LGSN: variants seen among roughly 807,000 people sequenced by gnomAD.
The protein encoded by LGSN is lengsin, lens protein with glutamine synthetase domain.
Under a neutral mutation model 19.5 loss-of-function variants are expected in LGSN, and 21 were observed. That is an observed-to-expected ratio of 1.07 (90% CI 0.76 to 1.55). The LOEUF (loss-of-function observed/expected upper bound fraction) is 1.55. Ranked by LOEUF, LGSN falls within the 40% of genes most tolerant of loss-of-function variation. LGSN has a pLI of 0.00. For synonymous variants in LGSN, 257 were observed against 215.6 expected, an observed-to-expected ratio of 1.19 and a Z score of -1.68; for missense variants, 673 against 608.5, an observed-to-expected ratio of 1.11 and a Z score of -1.12.
At chr6:63,555,426 A>G in the LGSN span, among the ~76,000 whole-genome samples, 1 of 152,252 alleles carries the variant, frequency 6.6e-6, no homozygotes, top group African/African-American at 2.4e-5. Flanking sequence ...GCCAAAAAGT[A>G]TCTCCCTTTC....
Position 63,284,224 on chromosome 6 carries a change from A to G in LGSN, c.330+1363T>C, listed in dbSNP as rs541370594. Among the ~76,000 whole-genome samples the G allele has an allele frequency of 3.3e-5, 5 of 152,318 alleles. No individual in the cohort carries two copies. In the South Asian group the frequency reaches 8.3e-4, roughly 25 times the overall value. Reference sequence around the variant, plus strand: ...TGAAATAGGGAAGTTAGTTATTAGGAAACTGGGACTAAGAATAAATATAGC... The same window carrying G: ...TGAAATAGGGAAGTTAGTTATTAGGGAACTGGGACTAAGAATAAATATAGC... On this transcript the variant is annotated intron_variant, in intron 3 of 3. Coordinates refer to ENST00000370657, the MANE Select transcript of LGSN (RefSeq NM_016571.3).
the LGSN span, among the ~76,000 whole-genome samples, chr6:63,481,349 AT>A: frequency 8.1e-5 from 12 of 147,974 alleles, no homozygotes; most frequent in South Asian, 2.1e-4. Flanking sequence ...CCCAAAAGCT[AT>A]TTTTTTTTTT....
chr6:63,547,490 AG>A, the LGSN span, among the ~76,000 whole-genome samples: 5 of 113,284 alleles, frequency 4.4e-5, no homozygotes, highest in South Asian at 6.0e-4. Context: ...TCGCCCGGCC[AG>A]GGGGGAATTT....
the LGSN span, among the ~76,000 whole-genome samples, chr6:63,559,749 GA>G: frequency 6.6e-6 from 1 of 150,462 alleles, no homozygotes; most frequent in Admixed American, 6.6e-5. Flanking sequence ...TGTCTCAAAA[GA>G]GGAAAAAAAA....
the LGSN span, among the ~76,000 whole-genome samples, chr6:63,399,309 C>T: frequency 1.3e-5 from 2 of 152,028 alleles, no homozygotes; most frequent in African/African-American, 2.4e-5. Context: ...TGTAAATACA[C>T]TCTATGATTT....
the LGSN span, among the ~76,000 whole-genome samples, chr6:63,569,471 G>A: frequency 6.6e-5 from 10 of 152,134 alleles, 1 homozygote; most frequent in Non-Finnish European, 1.3e-4. Context: ...TGACCAGGCT[G>A]GTCTTGAACT....
At chr6:63,412,722 A>G in the LGSN span, among the ~76,000 whole-genome samples, 2,493 of 37,078 alleles carry the variant, frequency 0.067, 53 homozygotes, top group African/African-American at 0.23. Flanking sequence ...AAGGAAGGAA[A>G]GAAAGAAAGA....
At chr6:63,367,297 T>G in the LGSN span, among the ~76,000 whole-genome samples, 1 of 152,136 alleles carries the variant, frequency 6.6e-6, no homozygotes, top group Non-Finnish European at 1.5e-5. Flanking sequence ...AACAGACACT[T>G]TCCAAAAGAA....
chr6:63,292,643 C>T (rs886118027), intron 2 of LGSN, among the ~76,000 whole-genome samples: 2 of 152,174 alleles, frequency 1.3e-5, no homozygotes, highest in African/African-American at 4.8e-5. Context: ...AGTGAGCTTC[C>T]TTGGTTGGCA....
the LGSN span, among the ~76,000 whole-genome samples, chr6:63,365,281 T>C: frequency 1.3e-5 from 2 of 151,894 alleles, no homozygotes; most frequent in Non-Finnish European, 2.9e-5. Context: ...CAGAAATACA[T>C]ACTACCATCA....
At chr6:63,424,197 A>G in the LGSN span, among the ~76,000 whole-genome samples, 7 of 152,328 alleles carry the variant, frequency 4.6e-5, no homozygotes, top group East Asian at 1.3e-3. Flanking sequence ...AACTGTATAC[A>G]TATAAATTTG....
chr6:63,459,355 T>G, the LGSN span, among the ~76,000 whole-genome samples: 2 of 152,198 alleles, frequency 1.3e-5, no homozygotes, highest in Non-Finnish European at 2.9e-5. Flanking sequence ...CGCCACAAGC[T>G]TACATGTCTA....
At chr6:63,543,852 C>T in the LGSN span, among the ~76,000 whole-genome samples, 1 of 151,974 alleles carries the variant, frequency 6.6e-6, no homozygotes, top group African/African-American at 2.4e-5. Flanking sequence ...GATCCCCAAA[C>T]AAAGTAGATT....
the LGSN span, among the ~76,000 whole-genome samples, chr6:63,566,707 G>A: frequency 2.0e-5 from 3 of 152,202 alleles, no homozygotes; most frequent in African/African-American, 7.2e-5. Flanking sequence ...AGGTTAAGGT[G>A]GCTGTGGCAA....
the LGSN span, among the ~76,000 whole-genome samples, chr6:63,389,687 AG>A: frequency 1.3e-5 from 2 of 152,216 alleles, no homozygotes; most frequent in African/African-American, 4.8e-5. Context: ...TTCAATATTA[AG>A]TATGTAAGCC....
At chr6:63,539,449 G>T in the LGSN span, among the ~76,000 whole-genome samples, 1 of 152,046 alleles carries the variant, frequency 6.6e-6, no homozygotes, top group African/African-American at 2.4e-5. Flanking sequence ...TTTATGGTTT[G>T]CAAATCAACA....
In LGSN at chr6:63,280,297, C is replaced by T. The variant is rs1160966855; in HGVS notation, c.1254G>A (p.Leu418=). The change falls in exon 4 of 4, where the codon TTG becomes TTA. Residue 418 remains leucine (L), a synonymous_variant. Coordinates refer to ENST00000370657, the MANE Select transcript of LGSN (RefSeq NM_016571.3). ...CGGCAGCAACAGTTGCAGCCAGCAC[C>T]AAGTAAGGGTTTGCTGTTGCTGAGC... is the stretch of plus-strand genomic sequence containing the variant. ...KLGSATANPY[L]VLAATVAAGL... is the part of the protein sequence containing the mutation. The T allele has an allele frequency of 6.2e-7, 1 of 1,614,062 alleles. No individual in the cohort carries two copies. Among genetic ancestry groups the T allele is most frequent in the African/African-American group, 1.3e-5 (1 of 74,924 alleles).
the LGSN span, among the ~76,000 whole-genome samples, chr6:63,454,470 C>CTTTTTTT: frequency 1.0e-3 from 121 of 118,624 alleles, 1 homozygote; most frequent in East Asian, 1.7e-3. Context: ...TTTACATTTT[C>CTTTTTTT]TTTTTTTTTT....
the LGSN span, among the ~76,000 whole-genome samples, chr6:63,398,774 A>G: frequency 6.6e-6 from 1 of 152,192 alleles, no homozygotes; most frequent in Non-Finnish European, 1.5e-5. Context: ...ACTTACTCAG[A>G]AAAACTTGCA....
Sources: allele counts gnomAD v4.1 joint callset (sites outside exome capture counted in the v4.1 genomes callset), GRCh38; gene constraint gnomAD v4.1.1; transcripts MANE v1.5; gene names NCBI Gene and HGNC (gene_info 2026-07-23, HGNC 2026-07-21).